Variants in DMD observed in about 807,000 individuals in gnomAD.
DMD encodes the protein mutant dystrophin.
Under a neutral mutation model 330.1 loss-of-function variants are expected in DMD, and 63 were observed. The observed-to-expected ratio is 0.19, with a 90% CI of 0.16 to 0.24. The LOEUF (loss-of-function observed/expected upper bound fraction) is 0.24. Ranked by LOEUF, DMD falls within the 10% of genes least tolerant of loss-of-function variation. The pLI is 1.00. For synonymous variants in DMD, 1,223 were observed against 959.8 expected, an observed-to-expected ratio of 1.27 and a Z score of -5.07; for missense variants, 3,344 against 2,684.1, an observed-to-expected ratio of 1.25 and a Z score of -5.43.
intron 47 of DMD, among the ~76,000 whole-genome samples, chrX:31,893,571 A>G (rs901325748): frequency 1.9e-5 from 2 of 102,972 alleles, no homozygotes; most frequent in African/African-American, 3.4e-5. Flanking sequence ...ACACAAAAAA[A>G]GGGGAAAGGG....
chrX:32,075,814 C>T (rs759941036), intron 44 of DMD, among the ~76,000 whole-genome samples: 4 of 108,872 alleles, frequency 3.7e-5, no homozygotes, highest in Non-Finnish European at 5.7e-5. Context: ...TTTGGGAGGC[C>T]GAGTAGGGCA....
intron 57 of DMD, among the ~76,000 whole-genome samples, chrX:31,490,699 A>G (rs2069220010): frequency 8.9e-6 from 1 of 112,733 alleles, no homozygotes; most frequent in East Asian, 2.8e-4. Flanking sequence ...ACATTCACAA[A>G]TGACATCCAA....
At chrX:32,937,155 C>G (rs2146765785) in intron 2 of DMD, among the ~76,000 whole-genome samples, 1 of 110,517 alleles carries the variant, frequency 9.0e-6, no homozygotes, top group African/African-American at 3.3e-5. Context: ...AACTGTAGAC[C>G]TCAAGGGTTA....
At chrX:32,811,323 A>C (rs1366464300) in intron 6 of DMD, among the ~76,000 whole-genome samples, 3 of 111,117 alleles carry the variant, frequency 2.7e-5, no homozygotes, top group African/African-American at 9.8e-5. Context: ...TGGGTGACTG[A>C]GGAAGAACCA....
intron 21 of DMD, among the ~76,000 whole-genome samples, chrX:32,478,946 T>C (rs1301628978): frequency 9.0e-6 from 1 of 111,231 alleles, no homozygotes; most frequent in Non-Finnish European, 1.9e-5. Flanking sequence ...AATACTGCTC[T>C]ATTATTCACC....
chrX:31,184,757 A>C (rs1348078861), intron 67 of DMD, among the ~76,000 whole-genome samples: 28 of 87,099 alleles, frequency 3.2e-4, no homozygotes, highest in African/African-American at 1.4e-3. Flanking sequence ...AATGTGGCAC[A>C]TATACACCAT....
chrX:31,559,960 G>T (rs1268034554), intron 55 of DMD, among the ~76,000 whole-genome samples: 1 of 111,992 alleles, frequency 8.9e-6, no homozygotes, highest in Non-Finnish European at 1.9e-5. Flanking sequence ...CCTTGTCTTT[G>T]AGACTTTCTC....
chrX:33,273,925 A>G (rs755244093), intron 1 of DMD, among the ~76,000 whole-genome samples: 1 of 112,391 alleles, frequency 8.9e-6, no homozygotes, highest in East Asian at 2.8e-4. Context: ...AGCTCTGTCC[A>G]TCAATAGCAA....
chrX:32,153,633 T>C (rs1428598766), intron 44 of DMD, among the ~76,000 whole-genome samples: 1 of 112,157 alleles, frequency 8.9e-6, no homozygotes, highest in Non-Finnish European at 1.9e-5. Flanking sequence ...CAACCAAGAC[T>C]ATCCTAAGGA....
chrX:31,303,140 T>C (rs2054776032), intron 62 of DMD, among the ~76,000 whole-genome samples: 1 of 111,883 alleles, frequency 8.9e-6, no homozygotes, highest in South Asian at 3.7e-4. Context: ...TTTTAAAAAT[T>C]AGTCTTTTTT....
intron 44 of DMD, among the ~76,000 whole-genome samples, chrX:32,054,088 T>TGTGTGAGAGAGAGAGA (rs1156434219): frequency 1.4e-5 from 1 of 69,571 alleles, no homozygotes; most frequent in Non-Finnish European, 2.7e-5. Context: ...TGTGTGTGTG[T>TGTGTGAGAGAGAGAGA]GAGAGAGAGA....
chrX:31,137,252 C>T (rs1188150246), intron 76 of DMD, among the ~76,000 whole-genome samples: 1 of 111,884 alleles, frequency 8.9e-6, no homozygotes, highest in African/African-American at 3.3e-5. Flanking sequence ...ATCTCCTGAC[C>T]TCGTGATCCA....
intron 2 of DMD, among the ~76,000 whole-genome samples, chrX:32,995,294 CTT>C (rs1305131651): frequency 1.8e-5 from 2 of 112,208 alleles, no homozygotes; most frequent in African/African-American, 6.5e-5. Context: ...ATAAAGCACT[CTT>C]TTAAATAATG....
At position 31,879,215 on chromosome X, in the gene DMD, G is replaced by GGGC. The variant is rs756175026; in HGVS notation, c.6913-3843_6913-3842insGCC. Among the ~76,000 whole-genome samples the GGGC allele has an allele frequency of 0.018, 1,883 of 103,135 alleles. 38 individuals are homozygous for GGGC. The highest frequency in any genetic ancestry group is 0.097 in the Middle Eastern group (20 of 207). The allele number at this position is 103,135 out of a possible 115,157, so 89.6% of individuals were successfully genotyped here. A position where few individuals can be genotyped will look rare whatever the true frequency, so the allele number is the denominator to read the frequency against. ...GACTCACCATTCTACATGGCGGGGG[G>GGGC]GGGCCTCACAATCATGGCAGAAGGC... On this transcript the variant is annotated intron_variant, in intron 47 of 78. Coordinates refer to ENST00000357033, the MANE Select transcript of DMD (RefSeq NM_004006.3).
At chrX:31,209,881 A>ATCAGTATTCAGGATCTGAAGTTGTTC (rs1426358483) in intron 64 of DMD, among the ~76,000 whole-genome samples, 182 bp from the exon 65 acceptor site, 4 of 111,557 alleles carry the variant, frequency 3.6e-5, no homozygotes, top group Non-Finnish European at 7.5e-5. Context: ...GATGAGTTTG[A>ATCAGTATTCAGGATCTGAAGTTGTTC]TCAGTATTCA....
At chrX:33,127,033 A>G (rs1248454060) in intron 1 of DMD, among the ~76,000 whole-genome samples, 1 of 111,940 alleles carries the variant, frequency 8.9e-6, no homozygotes, top group Non-Finnish European at 1.9e-5. Context: ...GAAGACTTGC[A>G]AAAGGGTAAC....
In DMD at chrX:31,528,563, C is replaced by T. The variant is rs766772737; in HGVS notation, c.8218-21110G>A. Among the ~76,000 whole-genome samples, 25 of 112,467 alleles carry T rather than the reference C, an allele frequency of 2.2e-4. No individual in the cohort carries two copies. The South Asian group carries it at 9.1e-3, about 41-fold the overall frequency. ...AGAACAGAACTTACCTCTCTGCTGT[C>T]AGCACTTGGAACAGCACTGAGCGCA... On this transcript the variant is annotated intron_variant, in intron 55 of 78. Coordinates refer to ENST00000357033, the MANE Select transcript of DMD (RefSeq NM_004006.3).
chrX:31,989,648 C>T (rs1005820732), intron 44 of DMD, among the ~76,000 whole-genome samples: 14 of 109,923 alleles, frequency 1.3e-4, no homozygotes, highest in Admixed American at 2.9e-4. Context: ...CATGCTAATA[C>T]GGGGAAAAAA....
intron 44 of DMD, among the ~76,000 whole-genome samples, chrX:32,077,824 C>T (rs1303458915): frequency 9.0e-6 from 1 of 111,529 alleles, no homozygotes; most frequent in Middle Eastern, 4.3e-3. Flanking sequence ...CTGAGCCCCT[C>T]ATAACATGCT....
Sources: gnomAD v4.1 joint callset for allele counts (sites outside exome capture counted in the v4.1 genomes callset) on GRCh38, gnomAD v4.1.1 for gene constraint, MANE v1.5 for transcripts, NCBI Gene and HGNC (gene_info 2026-07-23, HGNC 2026-07-21) for gene names.